Variants in PTPN12 observed in about 807,000 individuals in gnomAD.
PTPN12 encodes the protein protein tyrosine phosphatase non-receptor type 12.
A neutral mutation model predicts 97.6 loss-of-function variants in PTPN12; 29 were observed. That is an observed-to-expected ratio of 0.30 (90% CI 0.22 to 0.41). PTPN12 has a LOEUF of 0.41. Ranked by LOEUF, PTPN12 falls within the 10% of genes least tolerant of loss-of-function variation. PTPN12 has a pLI of 1.00. For synonymous variants in PTPN12, 327 were observed against 300.4 expected (o/e 1.09, Z -0.91); for missense variants, 819 against 926.0 (o/e 0.88, Z 1.50).
At chr7:77,598,857 GT>G (rs1291010739) in intron 7 of PTPN12, among the ~76,000 whole-genome samples, 1 of 150,202 alleles carries the variant, frequency 6.7e-6, no homozygotes, top group East Asian at 1.9e-4. Flanking sequence ...CTGCTTTATA[GT>G]TTTTTGTAAG....
chr7:77,563,923 C>CT (rs367743089), intron 1 of PTPN12: 382 of 428,964 alleles, frequency 8.9e-4, no homozygotes, highest in East Asian at 1.3e-3. Context: ...TGCATTTTTT[C>CT]TTTTTTTTTG....
chr7:77,610,630 A>C (rs1295606743), intron 9 of PTPN12, 135 bp from the exon 10 acceptor site: 1 of 883,530 alleles, frequency 1.1e-6, no homozygotes, highest in East Asian at 2.7e-5. Context: ...ACAGTGTCTG[A>C]GATGCATTAA....
chr7:77,622,435 C>T (rs559335898), intron 12 of PTPN12, among the ~76,000 whole-genome samples: 2 of 152,204 alleles, frequency 1.3e-5, no homozygotes, highest in East Asian at 1.9e-4. Context: ...GCTGCAACCA[C>T]GAAATAAGAA....
intron 9 of PTPN12, among the ~76,000 whole-genome samples, chr7:77,609,988 A>G (rs1278610622): frequency 6.6e-6 from 1 of 152,200 alleles, no homozygotes; most frequent in East Asian, 1.9e-4. Context: ...AATCACTCCA[A>G]AATATTCTTG....
At chr7:77,637,512 C>CAA (rs1789635517) in intron 16 of PTPN12, among the ~76,000 whole-genome samples, 1 of 151,970 alleles carries the variant, frequency 6.6e-6, no homozygotes, top group South Asian at 2.1e-4. Context: ...TAATCTTAAA[C>CAA]ACTGGTAATT....
At chr7:77,621,697 C>T (rs1028037548) in intron 12 of PTPN12, among the ~76,000 whole-genome samples, 3 of 151,936 alleles carry the variant, frequency 2.0e-5, no homozygotes, top group Non-Finnish European at 2.9e-5. Context: ...AAGCCAATAA[C>T]TATTTTCTTT....
At chr7:77,610,420 C>T (rs1345385475) in intron 9 of PTPN12, among the ~76,000 whole-genome samples, 1 of 152,194 alleles carries the variant, frequency 6.6e-6, no homozygotes, top group East Asian at 1.9e-4. Flanking sequence ...ATTGAATCTG[C>T]TGTGCTTATG....
intron 1 of PTPN12, among the ~76,000 whole-genome samples, chr7:77,553,949 T>C (rs1457466545): frequency 1.3e-5 from 2 of 152,134 alleles, no homozygotes; most frequent in African/African-American, 4.8e-5. Context: ...TTACTTCTTT[T>C]TTTTTTTACT....
chr7:77,553,389 G>T (rs150766721), intron 1 of PTPN12, among the ~76,000 whole-genome samples: 1 of 152,136 alleles, frequency 6.6e-6, no homozygotes, highest in African/African-American at 2.4e-5. Flanking sequence ...AGAGGAGTAC[G>T]GAAGTCTTCA....
At chr7:77,635,325 A>G (rs1264729461) in intron 14 of PTPN12, among the ~76,000 whole-genome samples, 1 of 152,154 alleles carries the variant, frequency 6.6e-6, no homozygotes, top group Non-Finnish European at 1.5e-5. Flanking sequence ...GCTACTCAAG[A>G]AGCTGAGATG....
At chr7:77,581,168 C>T (rs946796218) in intron 2 of PTPN12, among the ~76,000 whole-genome samples, 5 of 151,976 alleles carry the variant, frequency 3.3e-5, no homozygotes, top group African/African-American at 1.2e-4. Context: ...TGCCTCCCAG[C>T]CAGTTTCAAG....
intron 12 of PTPN12, among the ~76,000 whole-genome samples, chr7:77,622,765 T>C (rs1788986008): frequency 6.7e-6 from 1 of 149,334 alleles, no homozygotes; most frequent in Non-Finnish European, 1.5e-5. Flanking sequence ...AATGAGACTC[T>C]TGTCTCAAAA....
chr7:77,620,175 G>T (rs1210370384), intron 12 of PTPN12, among the ~76,000 whole-genome samples: 5 of 152,092 alleles, frequency 3.3e-5, no homozygotes, highest in African/African-American at 1.2e-4. Context: ...TTTATGATTT[G>T]TATGTTCTTC....
At chr7:77,571,005 C>A in intron 1 of PTPN12, 73 bp from the exon 2 acceptor site, 1 of 937,804 alleles carries the variant, frequency 1.1e-6, no homozygotes, top group Non-Finnish European at 1.6e-6. Flanking sequence ...GAATTGGGGT[C>A]ACCAGATTTC....
chr7:77,638,336 T>G (rs1789679915), intron 16 of PTPN12, among the ~76,000 whole-genome samples: 1 of 152,104 alleles, frequency 6.6e-6, no homozygotes, highest in East Asian at 1.9e-4. Context: ...ATAGCTACCT[T>G]AAGGGAATGT....
chr7:77,607,356 C>T, intron 9 of PTPN12, 55 bp downstream of exon 9: 11 of 1,277,778 alleles, frequency 8.6e-6, no homozygotes, highest in Non-Finnish European at 1.1e-5. Context: ...GATTTTCAAA[C>T]TTAATTATAA....
At position 77,605,409 on chromosome 7, in the gene PTPN12, G is replaced by GGTTTTTTTTTTTTTTTTTTTTTTTTTTT. The variant is rs1554321255; in HGVS notation, c.696-1826_696-1825insGTTTTTTTTTTTTTTTTTTTTTTTTTTT. 2.1e-5 allele frequency among the ~76,000 whole-genome samples: 2 copies of GGTTTTTTTTTTTTTTTTTTTTTTTTTTT among 95,560 alleles called. 1 individual carries two copies. The highest frequency in any genetic ancestry group is 8.3e-5 in the African/African-American group (2 of 24,232). 62.7% of individuals were successfully genotyped at this position (95,560 alleles called of 152,430 possible). On this transcript the variant is annotated intron_variant, in intron 8 of 17. Transcript: ENST00000248594. ...TTACTTTAAAATACTTTTGTCATGA[G>GGTTTTTTTTTTTTTTTTTTTTTTTTTTT]TTTTTTTTTTTTTTTTTTTTTTTTT...
chr7:77,540,764 A>G (rs865814426), intron 1 of PTPN12, among the ~76,000 whole-genome samples: 1 of 151,822 alleles, frequency 6.6e-6, no homozygotes, highest in African/African-American at 2.4e-5. Flanking sequence ...TTCTCCTGGC[A>G]TGGAAAGAGA....
chr7:77,569,433 T>C (rs138824789), intron 1 of PTPN12, among the ~76,000 whole-genome samples: 167 of 152,270 alleles, frequency 1.1e-3, no homozygotes, highest in African/African-American at 3.9e-3. Context: ...TTAGCCAGTT[T>C]TGTATTAAGA....
Sources: allele counts gnomAD v4.1 joint callset (sites outside exome capture counted in the v4.1 genomes callset), GRCh38; gene constraint gnomAD v4.1.1; transcripts MANE v1.5; gene names NCBI Gene and HGNC (gene_info 2026-07-23, HGNC 2026-07-21).